PTCH2: variants seen among roughly 807,000 people sequenced by gnomAD.
The protein encoded by PTCH2 is protein patched homolog 2.
In PTCH2, 96 loss-of-function variants were observed where a neutral mutation model predicts 117.9. The observed-to-expected ratio is 0.81, with a 90% CI of 0.69 to 0.96. The LOEUF (loss-of-function observed/expected upper bound fraction) is 0.96. PTCH2 is among the 50% of genes least tolerant of loss of function. PTCH2 has a pLI of 0.00. For synonymous variants in PTCH2, 615 were observed against 660.9 expected, an observed-to-expected ratio of 0.93 and a Z score of 1.06; for missense variants, 1,379 against 1,562.5, an observed-to-expected ratio of 0.88 and a Z score of 1.98.
chr1:44,830,437 T>C (rs1266190010), intron 6 of PTCH2, among the ~76,000 whole-genome samples: 1 of 151,794 alleles, frequency 6.6e-6, no homozygotes, highest in African/African-American at 2.4e-5. Flanking sequence ...CCCAGCACTT[T>C]GGGAGGCTAA....
At chr1:44,829,841 C>T (rs1221506334) in intron 7 of PTCH2, 68 bp downstream of exon 7, 1 of 1,613,596 alleles carries the variant, frequency 6.2e-7, no homozygotes, top group East Asian at 2.2e-5. Context: ...TTTGCCAGAG[C>T]TGCCTGGCAT....
chr1:44,842,083 T>C, intron 1 of PTCH2, 44 bp from the exon 2 acceptor site: 1 of 1,532,280 alleles, frequency 6.5e-7, no homozygotes, highest in Non-Finnish European at 9.0e-7. Context: ...ACTGCAACAA[T>C]GCATGAAATC....
At chr1:44,842,181 C>T in intron 1 of PTCH2, 142 bp from the exon 2 acceptor site, 1 of 776,692 alleles carries the variant, frequency 1.3e-6, no homozygotes, top group Non-Finnish European at 2.2e-6. Flanking sequence ...CAGACACAGG[C>T]CCAGACTTGG....
At position 44,832,203 on chromosome 1, in the gene PTCH2, TGGA is replaced by T; in HGVS notation, c.401_403del (p.Leu134del). On this transcript the variant is annotated inframe_deletion, in exon 3 of 22. Coordinates refer to ENST00000372192, the MANE Select transcript of PTCH2 (RefSeq NM_003738.5). Reference sequence around the variant, plus strand: ...ACTGGCAGTGAGGGCTGCCTGGAGGTGGAGGCCAAGTGCTTCGGGTGTGAGGAT... The same window carrying T: ...ACTGGCAGTGAGGGCTGCCTGGAGGTGGCCAAGTGCTTCGGGTGTGAGGAT... The T allele has an allele frequency of 6.2e-7, 1 of 1,614,032 alleles. No individual in the cohort carries two copies. Among genetic ancestry groups the T allele is most frequent in the Non-Finnish European group, 8.5e-7 (1 of 1,180,012 alleles).
At position 44,826,392 on chromosome 1, in the gene PTCH2, G is replaced by T. The variant is rs950394831; in HGVS notation, c.2977-5C>A. ...CATCATCGCCAGGACCAGCACCTGA[G>T]GGAGACAGGGCTCACAGAGGGCTCC... is the stretch of plus-strand genomic sequence containing the variant. On this transcript the variant is annotated splice_polypyrimidine_tract_variant and splice_region_variant and intron_variant, in intron 18 of 21. Coordinates refer to ENST00000372192, the MANE Select transcript of PTCH2 (RefSeq NM_003738.5). This position sits in a 1 kb window ranked among gnomAD's most constrained non-coding sequence, Gnocchi z 5.1. 6.2e-7 allele frequency: 1 copy of T among 1,614,130 alleles called. No homozygotes were observed. The highest frequency in any genetic ancestry group is 1.6e-4 in the Middle Eastern group (1 of 6,062).
At position 44,822,063 on chromosome 1, in the gene PTCH2, T is replaced by G; in HGVS notation, c.*352A>C. ...GGATGTGGTAGGAGGTGGGCAGGGA[T>G]ATGGAGAGCCTGCCCAGGAGTCACC... On this transcript the variant is annotated 3_prime_UTR_variant, in exon 22 of 22. Transcript: ENST00000372192. The G allele has an allele frequency of 1.2e-5, 16 of 1,344,254 alleles. No homozygotes were observed. Among genetic ancestry groups the G allele is most frequent in the East Asian group, 6.8e-5 (2 of 29,308 alleles). 83.3% of individuals were successfully genotyped at this position (1,344,254 alleles called of 1,614,324 possible).
downstream of PTCH2, chr1:44,820,576 C>G: frequency 2.9e-6 from 2 of 678,496 alleles, no homozygotes; most frequent in South Asian, 3.2e-5. Context: ...AGAAAGTGTT[C>G]TAGGCAGAGG....
rs773967319 is a variant in PTCH2, at chr1:44,826,784, G to A, written c.2696-16C>T. 2 of 1,600,902 alleles carry A rather than the reference G, an allele frequency of 1.2e-6. No homozygotes were observed. The highest frequency in any genetic ancestry group is 2.7e-5 in the African/African-American group (2 of 74,792). Reference sequence around the variant, plus strand: ...GCTGGCGGGACTGTGGAGGGGAGGGGAAGGGAGAAGAGGGAGAGGGACAGG... The same window carrying A: ...GCTGGCGGGACTGTGGAGGGGAGGGAAAGGGAGAAGAGGGAGAGGGACAGG... On this transcript the variant is annotated splice_polypyrimidine_tract_variant and intron_variant, in intron 17 of 21. Coordinates refer to ENST00000372192, the MANE Select transcript of PTCH2 (RefSeq NM_003738.5). This position sits in a 1 kb window ranked among gnomAD's most constrained non-coding sequence, Gnocchi z 5.1.
At position 44,829,109 on chromosome 1, in the gene PTCH2, G is replaced by A. The variant is rs781625327; in HGVS notation, c.1372-35C>T. On this transcript the variant is annotated intron_variant, in intron 10 of 21. Coordinates refer to ENST00000372192, the MANE Select transcript of PTCH2 (RefSeq NM_003738.5). ...CAGAGGAGCGGGCAGCTGAGGACCCGTGAAGCCTGGTGACTGGCACTGAGT... is the reference window on the plus strand; with the variant it reads ...CAGAGGAGCGGGCAGCTGAGGACCCATGAAGCCTGGTGACTGGCACTGAGT... 41 of 1,613,458 alleles carry A rather than the reference G, an allele frequency of 2.5e-5. 1 individual carries two copies. The highest frequency in any genetic ancestry group is 2.2e-4 in the East Asian group (10 of 44,888).
In PTCH2 at chr1:44,826,859, T is replaced by G. The variant is rs781210846; in HGVS notation, c.2695+43A>C. 3.1e-6 allele frequency: 5 copies of G among 1,613,150 alleles called. No homozygotes were observed. The highest frequency in any genetic ancestry group is 1.6e-4 in the Middle Eastern group (1 of 6,062). On this transcript the variant is annotated intron_variant, in intron 17 of 21. Coordinates refer to ENST00000372192, the MANE Select transcript of PTCH2 (RefSeq NM_003738.5). This position sits in a 1 kb window ranked among gnomAD's most constrained non-coding sequence, Gnocchi z 5.1. Reference sequence around the variant, plus strand: ...CAGGGCCTCAGGCTCAGGGCTTGTGTGGGCGAGGCTGAGGCTCTTGCCGAG... The same window carrying G: ...CAGGGCCTCAGGCTCAGGGCTTGTGGGGGCGAGGCTGAGGCTCTTGCCGAG...
At position 44,843,247 on chromosome 1, in the gene PTCH2, C is replaced by T. The variant is rs1023474005; in HGVS notation, c.-315G>A. ...AGACGCACAGCAGGGCTCGAGGTGG[C>T]AACTGCAGTCCCCGGGAGGCGGCTG... is the stretch of plus-strand genomic sequence containing the variant. On this transcript the variant is annotated 5_prime_UTR_variant, in exon 1 of 22. Transcript: ENST00000372192. 2 of 985,262 alleles carry T rather than the reference C, an allele frequency of 2.0e-6. No individual in the cohort carries two copies. The highest frequency in any genetic ancestry group is 2.4e-6 in the Non-Finnish European group (2 of 829,926). 61.0% of individuals were successfully genotyped at this position (985,262 alleles called of 1,614,324 possible). A position where few individuals can be genotyped will look rare whatever the true frequency, so the allele number is the denominator to read the frequency against.
Position 44,826,477 on chromosome 1 carries a change from C to A in PTCH2, c.2976+11G>T, listed in dbSNP as rs1653146637. On this transcript the variant is annotated intron_variant, in intron 18 of 21. Coordinates refer to ENST00000372192, the MANE Select transcript of PTCH2 (RefSeq NM_003738.5). This position sits in a 1 kb window ranked among gnomAD's most constrained non-coding sequence, Gnocchi z 5.1. The stretch of plus-strand genomic sequence containing the variant: ...TGGGGTGTCTCTGTCCCCACTCCTG[C>A]AAGCACTCACTATGAGGCCAGCCGT... 1 of 1,613,784 alleles carries A rather than the reference C, an allele frequency of 6.2e-7. No individual in the cohort carries two copies. The highest frequency in any genetic ancestry group is 1.3e-5 in the African/African-American group (1 of 75,034).
chr1:44,838,483 C>T lies in PTCH2; in HGVS notation c.265+3364G>A, dbSNP rs1031536288. 2.0e-5 allele frequency among the ~76,000 whole-genome samples: 3 copies of T among 152,196 alleles called. 1 individual carries two copies. Among genetic ancestry groups the T allele is most frequent in the Admixed American group, 2.0e-4 (3 of 15,282 alleles). On this transcript the variant is annotated intron_variant, in intron 2 of 21. Coordinates refer to ENST00000372192, the MANE Select transcript of PTCH2 (RefSeq NM_003738.5). Reference sequence around the variant, plus strand: ...CTCAAACTCTTGACCTCAAGTGATCCACCCGCTTCGGCCTCCCAAAGTGCT... The same window carrying T: ...CTCAAACTCTTGACCTCAAGTGATCTACCCGCTTCGGCCTCCCAAAGTGCT...
chr1:44,839,727 A>T (rs1557651111), intron 2 of PTCH2, among the ~76,000 whole-genome samples: 2 of 152,126 alleles, frequency 1.3e-5, no homozygotes, highest in East Asian at 1.9e-4. Flanking sequence ...ATGTGCGTGT[A>T]TGCACATCTG....
In PTCH2 at chr1:44,822,319, G is replaced by A; in HGVS notation, c.*96C>T. On this transcript the variant is annotated 3_prime_UTR_variant, in exon 22 of 22. Transcript: ENST00000372192. ...GGAGAGGGGATGCAGCAGCAGCAGG[G>A]CCCTCCAGGGGTCCATCCTGCGTCT... is the stretch of plus-strand genomic sequence containing the variant. The A allele has an allele frequency of 1.2e-6, 2 of 1,600,782 alleles. No individual in the cohort carries two copies. The highest frequency in any genetic ancestry group is 2.2e-5 in the South Asian group (2 of 90,760).
Position 44,822,219 on chromosome 1 carries a change from G to T in PTCH2, c.*196C>A. On this transcript the variant is annotated 3_prime_UTR_variant, in exon 22 of 22. Coordinates refer to ENST00000372192, the MANE Select transcript of PTCH2 (RefSeq NM_003738.5). ...TCACTCTCAAGTGACACAGATACAG[G>T]CTCACACAGGCCTGGATGTGCAAAT... 1 of 1,469,670 alleles carries T rather than the reference G, an allele frequency of 6.8e-7. No homozygotes were observed. Among genetic ancestry groups the T allele is most frequent in the South Asian group, 1.4e-5 (1 of 72,346 alleles). 91.0% of individuals were successfully genotyped at this position (1,469,670 alleles called of 1,614,324 possible).
In PTCH2 at chr1:44,828,558, A is replaced by C; in HGVS notation, c.1538T>G (p.Phe513Cys). The change falls in exon 12 of 22, where the codon TTC becomes TGC. Residue 513 changes from phenylalanine (F) to cysteine (C), a missense_variant. Physicochemically the swap from Phe to Cys is radical, Grantham distance 205. Transcript: ENST00000372192. ...GATGGGAACGAGGGCAGCCATGAGG[A>C]AGGCGGCCATGTTGTTGATGGATGT... The part of the protein sequence containing the change: ...VLTSINNMAA[F>C]LMAALVPIPA... 1 of 1,614,062 alleles carries C rather than the reference A, an allele frequency of 6.2e-7. No individual in the cohort carries two copies. The highest frequency in any genetic ancestry group is 8.5e-7 in the Non-Finnish European group (1 of 1,179,980).
chr1:44,820,785 C>G, downstream of PTCH2: 1 of 711,856 alleles, frequency 1.4e-6, no homozygotes, highest in Non-Finnish European at 2.6e-6. Flanking sequence ...GCACTGAGGG[C>G]TGACCCCCTT....
rs569864866 is a variant in PTCH2 at position 44,828,620 on chromosome 1, G to A, written c.1476C>T (p.Gly492=). The change falls in exon 12 of 22, where the codon GGC becomes GGT. Residue 492 remains glycine (G), a synonymous_variant. Coordinates refer to ENST00000372192, the MANE Select transcript of PTCH2 (RefSeq NM_003738.5). ...LPGTPLQERM[G]ECLQRTGTSV... The stretch of plus-strand genomic sequence containing the variant: ...TGGTGCCCGTGCGCTGCAGACACTC[G>A]CCCATGCGCTCCTGCCAGGACAGAG... 3.1e-6 allele frequency: 5 copies of A among 1,612,626 alleles called. No individual in the cohort carries two copies. Among genetic ancestry groups the A allele is most frequent in the Middle Eastern group, 3.4e-4 (2 of 5,874 alleles).
Sources: gnomAD v4.1 joint callset for allele counts (sites outside exome capture counted in the v4.1 genomes callset) on GRCh38, gnomAD v4.1.1 for gene constraint, Gnocchi (gnomAD v3.1) non-coding constraint, MANE v1.5 for transcripts, NCBI Gene and HGNC (gene_info 2026-07-23, HGNC 2026-07-21) for gene names.